The following CYSLTR2 variants were observed in gnomAD, a reference collection of about 807,000 sequenced individuals.
CYSLTR2 encodes cysteinyl leukotriene receptor 2, also known as G-protein coupled receptor GPCR21.
For synonymous variants in CYSLTR2, 179 were observed against 160.8 expected (o/e 1.11, Z -0.86); for missense variants, 398 against 411.9 (o/e 0.97, Z 0.29).
chr13:48,674,891 G>C (rs1224398691), intron 1 of CYSLTR2, among the ~76,000 whole-genome samples: 1 of 152,190 alleles, frequency 6.6e-6, no homozygotes, highest in African/African-American at 2.4e-5. Flanking sequence ...GTCTTCTGCA[G>C]GTGTGCTGGA....
chr13:48,669,584 C>T (rs1431127005), intron 1 of CYSLTR2, among the ~76,000 whole-genome samples: 3 of 151,870 alleles, frequency 2.0e-5, no homozygotes, highest in African/African-American at 7.3e-5. Context: ...CAGCTTCATC[C>T]ATGTCCCTGC....
chr13:48,662,573 G>A (rs1020850552), intron 1 of CYSLTR2, among the ~76,000 whole-genome samples: 2 of 152,088 alleles, frequency 1.3e-5, no homozygotes, highest in African/African-American at 4.8e-5. Context: ...ATACCTCATC[G>A]TGGTTTTGAG....
At position 48,707,978 on chromosome 13, in the gene CYSLTR2, A is replaced by G; in HGVS notation, c.*120A>G. The G allele has an allele frequency of 1.1e-6, 1 of 881,694 alleles. No homozygotes were observed. Among genetic ancestry groups the G allele is most frequent in the Non-Finnish European group, 1.6e-6 (1 of 619,970 alleles). The allele number at this position is 881,694 out of a possible 1,614,324, so 54.6% of individuals were successfully genotyped here. On this transcript the variant is annotated 3_prime_UTR_variant, in exon 5 of 5. Transcript: ENST00000682523. Reference sequence around the variant, plus strand: ...AATGTTGATTCTTAATATTTAGTTGACCATTACTTTTGTTAATAAGACCTA... The same window carrying G: ...AATGTTGATTCTTAATATTTAGTTGGCCATTACTTTTGTTAATAAGACCTA...
intron 1 of CYSLTR2, among the ~76,000 whole-genome samples, chr13:48,656,233 G>C (rs1435561872): frequency 6.6e-6 from 1 of 152,000 alleles, no homozygotes; most frequent in Admixed American, 6.6e-5. Context: ...TGTGTTTCTG[G>C]TTGGCTCTTC....
At chr13:48,687,412 T>C (rs886529305) in intron 1 of CYSLTR2, among the ~76,000 whole-genome samples, 9 of 151,886 alleles carry the variant, frequency 5.9e-5, no homozygotes, top group Non-Finnish European at 1.2e-4. Context: ...TAGATTATCA[T>C]CTATCAATCA....
chr13:48,686,041 C>T (rs979850155), intron 1 of CYSLTR2, among the ~76,000 whole-genome samples: 1 of 152,200 alleles, frequency 6.6e-6, no homozygotes, highest in East Asian at 1.9e-4. Context: ...CTCATGGATT[C>T]GTGTTTAGTG....
intron 4 of CYSLTR2, among the ~76,000 whole-genome samples, chr13:48,700,334 C>T (rs1433510163): frequency 6.6e-6 from 1 of 152,194 alleles, no homozygotes; most frequent in African/African-American, 2.4e-5. Context: ...ATCAAGTTGG[C>T]TTCATCCCTG....
intron 1 of CYSLTR2, among the ~76,000 whole-genome samples, chr13:48,655,906 A>G (rs1348757991): frequency 1.3e-5 from 2 of 152,228 alleles, no homozygotes; most frequent in Non-Finnish European, 2.9e-5. Context: ...AACAAATTTC[A>G]TAATGTTTAT....
Position 48,708,107 on chromosome 13 carries a change from G to T in CYSLTR2, c.*249G>T, listed in dbSNP as rs1954552928. On this transcript the variant is annotated 3_prime_UTR_variant, in exon 5 of 5. Transcript: ENST00000682523. Reference sequence around the variant, plus strand: ...CCTGTGGGCTGAAATATCAGACTGGGAAAAAATGCAAAGCACATTGGATCC... The same window carrying T: ...CCTGTGGGCTGAAATATCAGACTGGTAAAAAATGCAAAGCACATTGGATCC... The T allele has an allele frequency of 2.8e-6, 1 of 355,932 alleles. No homozygotes were observed. The highest frequency in any genetic ancestry group is 2.1e-5 in the African/African-American group (1 of 47,328). The allele number at this position is 355,932 out of a possible 1,614,324, so 22.0% of individuals were successfully genotyped here.
chr13:48,666,003 T>C (rs1195622000), intron 1 of CYSLTR2, among the ~76,000 whole-genome samples: 2 of 152,144 alleles, frequency 1.3e-5, no homozygotes, highest in Non-Finnish European at 2.9e-5. Context: ...GTAAGTTTTA[T>C]AGTTTCGCAT....
chr13:48,680,215 G>A (rs1953711370), intron 1 of CYSLTR2, among the ~76,000 whole-genome samples: 2 of 152,144 alleles, frequency 1.3e-5, no homozygotes, highest in African/African-American at 4.8e-5. Context: ...TTCAAATCTG[G>A]GAACCAAAGG....
rs202046944 is a variant in CYSLTR2, at chr13:48,708,758, G to A, written c.*900G>A. On this transcript the variant is annotated 3_prime_UTR_variant, in exon 5 of 5. Coordinates refer to ENST00000682523, the MANE Select transcript of CYSLTR2 (RefSeq NM_001308476.3). The stretch of plus-strand genomic sequence containing the variant: ...GAGCACTCAAGGGAAAGATGGAGTA[G>A]AGGGCAAATAGCAAAAGTTGTTGCA... The A allele has an allele frequency of 1.8e-5, 3 of 167,044 alleles. No individual in the cohort carries two copies. Among genetic ancestry groups the A allele is most frequent in the Non-Finnish European group, 2.9e-5 (2 of 68,112 alleles). 10.3% of individuals were successfully genotyped at this position (167,044 alleles called of 1,614,324 possible).
Position 48,705,853 on chromosome 13 carries a change from C to T in CYSLTR2, c.-1-964C>T, listed in dbSNP as rs566904157. On this transcript the variant is annotated intron_variant, in intron 4 of 4. Transcript: ENST00000682523. ...TTAGACTCTAAAAGGGAAGGACAGC[C>T]TATTGTATTTACACATATTTTGGCT... Among the ~76,000 whole-genome samples, 117 of 151,616 alleles carry T rather than the reference C, an allele frequency of 7.7e-4. 1 individual carries two copies. Among genetic ancestry groups the T allele is most frequent in the African/African-American group, 2.7e-3 (112 of 41,478 alleles).
intron 4 of CYSLTR2, among the ~76,000 whole-genome samples, chr13:48,702,183 T>C (rs187678491): frequency 1.2e-3 from 176 of 146,688 alleles, no homozygotes; most frequent in African/African-American, 4.2e-3. Flanking sequence ...CACTGCATGT[T>C]CTCACTCATA....
In CYSLTR2 at chr13:48,707,883, T is replaced by C; in HGVS notation, c.*25T>C. ...AGGAGCTCTTAGATGAGACCTGTTCTTGTATCCTTGTGTCCATCTTCATTC... is the reference window on the plus strand; with the variant it reads ...AGGAGCTCTTAGATGAGACCTGTTCCTGTATCCTTGTGTCCATCTTCATTC... On this transcript the variant is annotated 3_prime_UTR_variant, in exon 5 of 5. Coordinates refer to ENST00000682523, the MANE Select transcript of CYSLTR2 (RefSeq NM_001308476.3). 6.7e-7 allele frequency: 1 copy of C among 1,485,906 alleles called. No homozygotes were observed. Among genetic ancestry groups the C allele is most frequent in the Non-Finnish European group, 9.0e-7 (1 of 1,113,460 alleles). The allele number at this position is 1,485,906 out of a possible 1,614,324, so 92.0% of individuals were successfully genotyped here. A position where few individuals can be genotyped will look rare whatever the true frequency, so the allele number is the denominator to read the frequency against.
Position 48,707,022 on chromosome 13 carries a change from A to G in CYSLTR2, c.205A>G (p.Lys69Glu). 1 of 1,614,192 alleles carries G rather than the reference A, an allele frequency of 6.2e-7. No individual in the cohort carries two copies. The highest frequency in any genetic ancestry group is 8.5e-7 in the Non-Finnish European group (1 of 1,180,030). ...SIYVFLQPYK[K>E]STSVNVFMLN... ...ATATGTTTTCCTGCAGCCTTATAAG[A>G]AGTCCACATCTGTGAACGTTTTCAT... The change falls in exon 5 of 5, where the codon AAG (lysine) becomes GAG (glutamate). Residue 69 changes from lysine (K) to glutamate (E), a missense_variant. Coordinates refer to ENST00000682523, the MANE Select transcript of CYSLTR2 (RefSeq NM_001308476.3).
At chr13:48,705,996 G>GTTTTTTTTTTTTTTTTTTTTTTT (rs368909553) in intron 4 of CYSLTR2, among the ~76,000 whole-genome samples, 3 of 128,588 alleles carry the variant, frequency 2.3e-5, no homozygotes, top group Non-Finnish European at 4.7e-5. Flanking sequence ...TTGTTTTGTT[G>GTTTTTTTTTTTTTTTTTTTTTTT]TTGTTTTTTT....
chr13:48,668,587 T>G (rs1478615731), intron 1 of CYSLTR2, among the ~76,000 whole-genome samples: 1 of 152,176 alleles, frequency 6.6e-6, no homozygotes, highest in African/African-American at 2.4e-5. Context: ...ATCATTATCC[T>G]CATTTTATTT....
intron 4 of CYSLTR2, among the ~76,000 whole-genome samples, chr13:48,700,485 A>G (rs1356411041): frequency 1.3e-5 from 2 of 152,226 alleles, no homozygotes; most frequent in African/African-American, 4.8e-5. Context: ...CATGCTAAAA[A>G]GTGTCAATAA....
Sources: gnomAD v4.1 joint callset for allele counts (sites outside exome capture counted in the v4.1 genomes callset) on GRCh38, gnomAD v4.1.1 for gene constraint, MANE v1.5 for transcripts, NCBI Gene and HGNC (gene_info 2026-07-23, HGNC 2026-07-21) for gene names.